The following DAB2IP variants were observed in gnomAD, a reference collection of about 807,000 sequenced individuals.
DAB2IP encodes DAB2 interacting protein, also known as disabled homolog 2-interacting protein.
DAB2IP carries 28 observed loss-of-function variants against 107.2 expected under a neutral mutation model. That is an observed-to-expected ratio of 0.26 (90% confidence interval 0.19 to 0.36). The LOEUF (loss-of-function observed/expected upper bound fraction) is 0.36, where lower values mean the gene tolerates loss of function less well. Among genes scored for constraint, DAB2IP ranks in the 10% least tolerant of loss-of-function variants. The pLI is 1.00. For missense variants in DAB2IP, 1,400 were observed against 1,644.7 expected, an observed-to-expected ratio of 0.85 and a Z score of 2.57; for synonymous variants, 755 against 706.4, an observed-to-expected ratio of 1.07 and a Z score of -1.09.
At chr9:121,586,839 G>A (rs1477483694) in intron 1 of DAB2IP, among the ~76,000 whole-genome samples, 1 of 151,954 alleles carries the variant, frequency 6.6e-6, no homozygotes, top group Non-Finnish European at 1.5e-5. Context: ...ACCTCATTAA[G>A]CATCCCTTTT....
intron 2 of DAB2IP, among the ~76,000 whole-genome samples, chr9:121,679,158 T>C (rs1281544260): frequency 6.6e-6 from 1 of 152,106 alleles, no homozygotes; most frequent in Non-Finnish European, 1.5e-5. Flanking sequence ...TATTTTTGTT[T>C]CCATATATTT....
At chr9:121,692,218 A>T (rs918497380) in intron 2 of DAB2IP, among the ~76,000 whole-genome samples, 3 of 151,734 alleles carry the variant, frequency 2.0e-5, no homozygotes, top group Admixed American at 1.3e-4. Context: ...GTGTATATTT[A>T]TTGGCTTATT....
upstream of DAB2IP, among the ~76,000 whole-genome samples, chr9:121,648,371 G>T (rs1246675111): frequency 6.6e-6 from 1 of 152,184 alleles, no homozygotes; most frequent in Admixed American, 6.5e-5. Context: ...AGCGGTCCAG[G>T]TCCCACCAAC....
At chr9:121,666,492 A>G (rs1394984617) in intron 1 of DAB2IP, among the ~76,000 whole-genome samples, 1 of 152,170 alleles carries the variant, frequency 6.6e-6, no homozygotes, top group Non-Finnish European at 1.5e-5. Context: ...AAAAGTGTGC[A>G]GTGGTATGTT....
At chr9:121,774,324 C>T (rs570101345) in exon 13 of DAB2IP, 41 of 1,613,400 alleles carry the variant, frequency 2.5e-5, no homozygotes, top group African/African-American at 4.0e-5. Context: ...ACCATGAACG[C>T]GCAGTTGTTA....
At chr9:121,577,674 C>G (rs1474837060) in intron 1 of DAB2IP, among the ~76,000 whole-genome samples, 2 of 152,180 alleles carry the variant, frequency 1.3e-5, no homozygotes, top group African/African-American at 4.8e-5. Flanking sequence ...GACCCTCTCT[C>G]TCTCCTCCCA....
Position 121,699,304 on chromosome 9 carries a change from C to G in DAB2IP, c.229-21C>G, listed in dbSNP as rs532285106. On this transcript the variant is annotated intron_variant, in intron 2 of 15. Coordinates refer to ENST00000408936, the Ensembl canonical transcript of DAB2IP. The surrounding 1 kb of genome is among the most constrained non-coding windows in gnomAD (Gnocchi z 6.2). ...GCGCTAACCCCGCCTCCCCTTCCCC[C>G]TCTTGTCCCCCCGTGCGCAGGGCTT... The G allele has an allele frequency of 7.8e-6, 11 of 1,413,390 alleles. No individual in the cohort carries two copies. The highest frequency in any genetic ancestry group is 4.4e-5 in the Admixed American group (2 of 45,608). 87.6% of individuals were successfully genotyped at this position (1,413,390 alleles called of 1,614,324 possible).
At chr9:121,637,385 C>T (rs914695308) in intron 1 of DAB2IP, among the ~76,000 whole-genome samples, 9 of 152,200 alleles carry the variant, frequency 5.9e-5, no homozygotes, top group African/African-American at 9.6e-5. Context: ...CCACTTCGTC[C>T]GTGAAACGGT....
At chr9:121,737,153 CTCCCTCTT>C in intron 3 of DAB2IP, 1 of 983,130 alleles carries the variant, frequency 1.0e-6, no homozygotes, top group Non-Finnish European at 1.2e-6. Flanking sequence ...GGGACGGCTC[CTCCCTCTT>C]TCTTGACCCA....
chr9:121,654,324 G>A (rs1460669160), intron 1 of DAB2IP, among the ~76,000 whole-genome samples: 1 of 152,140 alleles, frequency 6.6e-6, no homozygotes, highest in African/African-American at 2.4e-5. Context: ...ACAGTAGTTT[G>A]GATTTGATAA....
At chr9:121,769,567 T>C (rs560976501) in intron 10 of DAB2IP, among the ~76,000 whole-genome samples, 5 of 152,344 alleles carry the variant, frequency 3.3e-5, no homozygotes, top group African/African-American at 1.2e-4. Flanking sequence ...CCCCTATTGA[T>C]GGACACTTAG....
chr9:121,641,960 TTCTCTCTCTC>T (rs72270529), intron 1 of DAB2IP, among the ~76,000 whole-genome samples: 35 of 110,190 alleles, frequency 3.2e-4, no homozygotes, highest in African/African-American at 7.1e-4. Context: ...CTTTCTTTCT[TTCTCTCTCTC>T]TCTTTCTTTC....
chr9:121,777,957 G>T (rs112714118), intron 14 of DAB2IP, among the ~76,000 whole-genome samples: 1 of 152,148 alleles, frequency 6.6e-6, no homozygotes. Flanking sequence ...CTTTTGATTC[G>T]TGTTGGTATG....
At chr9:121,588,198 G>A (rs912740917) in intron 1 of DAB2IP, among the ~76,000 whole-genome samples, 1 of 152,124 alleles carries the variant, frequency 6.6e-6, no homozygotes, top group Non-Finnish European at 1.5e-5. Context: ...GGTCAAGACC[G>A]TGAGTCCTTC....
intron 3 of DAB2IP, among the ~76,000 whole-genome samples, chr9:121,714,028 T>C (rs1830466534): frequency 6.6e-6 from 1 of 152,140 alleles, no homozygotes; most frequent in African/African-American, 2.4e-5. Flanking sequence ...CCTCCCAGGG[T>C]TTTGAGGTCT....
intron 1 of DAB2IP, among the ~76,000 whole-genome samples, chr9:121,629,367 C>T (rs1381319986): frequency 6.6e-6 from 1 of 152,090 alleles, no homozygotes; most frequent in Non-Finnish European, 1.5e-5. Flanking sequence ...CTTGGTGCTT[C>T]TCTCAGAAAA....
At chr9:121,669,285 A>C (rs1438558527) in intron 1 of DAB2IP, among the ~76,000 whole-genome samples, 1 of 152,204 alleles carries the variant, frequency 6.6e-6, no homozygotes, top group Non-Finnish European at 1.5e-5. Context: ...TTGCAAAACC[A>C]GTACAGAGAA....
rs78792335 is a variant in DAB2IP at position 121,601,569 on chromosome 9, C to T, written c.40+34341C>T. Among the ~76,000 whole-genome samples, 255 of 152,248 alleles carry T rather than the reference C, an allele frequency of 1.7e-3. 2 individuals are homozygous for T. The highest frequency in any genetic ancestry group is 5.9e-3 in the African/African-American group (244 of 41,536). On this transcript the variant is annotated intron_variant, in intron 1 of 16. Transcript: ENST00000259371. ...TCCCCTGGTGCCTGGCATTCTGTTC[C>T]GTCCCTTCAGCATTCAACACACAGG...
chr9:121,769,349 A>G (rs1382348101), intron 10 of DAB2IP, among the ~76,000 whole-genome samples: 1 of 152,206 alleles, frequency 6.6e-6, no homozygotes, highest in Non-Finnish European at 1.5e-5. Flanking sequence ...CGATCTGTGC[A>G]TGTGTAAGCG....
Sources: allele counts gnomAD v4.1 joint callset (sites outside exome capture counted in the v4.1 genomes callset), GRCh38; gene constraint gnomAD v4.1.1; non-coding constraint Gnocchi (gnomAD v3.1); transcripts MANE v1.5; gene names NCBI Gene and HGNC (gene_info 2026-07-23, HGNC 2026-07-21).